Variants in MOB3B observed in about 807,000 individuals in gnomAD.
The protein encoded by MOB3B is MOB kinase activator 3B.
In MOB3B, 7 loss-of-function variants were observed where a neutral mutation model predicts 18.7. The ratio of observed to expected loss-of-function variants is 0.37; its 90% CI spans 0.21 to 0.70. The LOEUF is 0.70. Ranked by LOEUF, MOB3B falls within the 30% of genes least tolerant of loss-of-function variation. The pLI is 0.52. For missense variants in MOB3B, 253 were observed against 281.3 expected (o/e 0.90, Z 0.72); for synonymous variants, 111 against 99.9 (o/e 1.11, Z -0.66).
At chr9:27,491,800 A>G (rs2477526) in intron 1 of MOB3B, among the ~76,000 whole-genome samples, 2 of 152,086 alleles carry the variant, frequency 1.3e-5, no homozygotes, top group African/African-American at 4.8e-5. Context: ...GTGAACCAGG[A>G]AGGCGGAGCT....
At chr9:27,425,851 A>G (rs568440637) in intron 2 of MOB3B, among the ~76,000 whole-genome samples, 44 of 152,206 alleles carry the variant, frequency 2.9e-4, no homozygotes, top group Non-Finnish European at 4.4e-4. Flanking sequence ...CTTACATTCT[A>G]CCATCTTTTC....
intron 2 of MOB3B, among the ~76,000 whole-genome samples, chr9:27,423,869 T>C (rs1822291761): frequency 1.3e-5 from 2 of 152,242 alleles, no homozygotes; most frequent in South Asian, 4.1e-4. Context: ...CTTTAACATA[T>C]ATTAACTCAT....
chr9:27,517,192 TG>T (rs1461478146), intron 1 of MOB3B, among the ~76,000 whole-genome samples: 2 of 152,194 alleles, frequency 1.3e-5, no homozygotes, highest in Admixed American at 6.5e-5. Flanking sequence ...AGATTAAGAC[TG>T]GGTATCACTG....
chr9:27,336,344 C>G (rs1430872992), intron 3 of MOB3B, among the ~76,000 whole-genome samples: 1 of 152,102 alleles, frequency 6.6e-6, no homozygotes, highest in Non-Finnish European at 1.5e-5. Flanking sequence ...GGGGGAAGAG[C>G]TACCACAGCA....
intron 2 of MOB3B, among the ~76,000 whole-genome samples, chr9:27,453,181 G>T (rs1448335272): frequency 6.6e-6 from 1 of 151,962 alleles, no homozygotes; most frequent in Admixed American, 6.6e-5. Context: ...AAAAAAAAAG[G>T]TACCAGTGTC....
intron 1 of MOB3B, among the ~76,000 whole-genome samples, chr9:27,509,032 G>A (rs1820097955): frequency 6.6e-6 from 1 of 152,184 alleles, no homozygotes; most frequent in African/African-American, 2.4e-5. Flanking sequence ...TGGCATTATG[G>A]AAAGAATGAT....
At chr9:27,478,431 A>G (rs984990747) in intron 1 of MOB3B, among the ~76,000 whole-genome samples, 1 of 152,210 alleles carries the variant, frequency 6.6e-6, no homozygotes, top group African/African-American at 2.4e-5. Context: ...AATAAAAACC[A>G]TAATAAAAGA....
At chr9:27,467,221 A>G (rs181202528) in intron 1 of MOB3B, among the ~76,000 whole-genome samples, 2 of 152,356 alleles carry the variant, frequency 1.3e-5, no homozygotes, top group African/African-American at 2.4e-5. Context: ...AGAGCCAGAA[A>G]GATGCAGGTC....
At chr9:27,357,505 C>A (rs1320165478) in intron 3 of MOB3B, among the ~76,000 whole-genome samples, 1 of 151,868 alleles carries the variant, frequency 6.6e-6, no homozygotes, top group Non-Finnish European at 1.5e-5. Flanking sequence ...CTAGGAATAA[C>A]CCCTAGGCTC....
chr9:27,381,835 G>A (rs886465310), intron 2 of MOB3B, among the ~76,000 whole-genome samples: 5 of 152,116 alleles, frequency 3.3e-5, no homozygotes, highest in Non-Finnish European at 7.4e-5. Flanking sequence ...ATGTAGAGAT[G>A]ACGTCTCGCT....
intron 1 of MOB3B, among the ~76,000 whole-genome samples, chr9:27,495,465 A>G (rs1474970849): frequency 1.3e-5 from 2 of 152,186 alleles, no homozygotes; most frequent in Non-Finnish European, 2.9e-5. Context: ...GGACATTTCC[A>G]CCATAGCTCG....
chr9:27,410,663 G>A lies in MOB3B; in HGVS notation c.418+44470C>T, dbSNP rs1195581670. Among the ~76,000 whole-genome samples, 3 of 152,232 alleles carry A rather than the reference G, an allele frequency of 2.0e-5. No homozygotes were observed. The East Asian group carries it at 5.8e-4, about 29-fold the overall frequency. On this transcript the variant is annotated intron_variant, in intron 2 of 3. Coordinates refer to ENST00000262244, the MANE Select transcript of MOB3B (RefSeq NM_024761.5). ...TCCAACAACACTTGCTAATGAAAAGGGGCCTGCTTGGTGGTCTTCAGGCTG... is the reference window on the plus strand; with the variant it reads ...TCCAACAACACTTGCTAATGAAAAGAGGCCTGCTTGGTGGTCTTCAGGCTG...
intron 2 of MOB3B, among the ~76,000 whole-genome samples, chr9:27,391,149 C>G (rs1803859350): frequency 6.6e-6 from 1 of 152,204 alleles, no homozygotes; most frequent in Non-Finnish European, 1.5e-5. Context: ...CACACCTACT[C>G]TTTTCTGAAA....
rs1219285450 is a variant in MOB3B at position 27,330,540 on chromosome 9, A to AC, written c.*46dup. The AC allele has an allele frequency of 1.2e-6, 2 of 1,613,398 alleles. No individual in the cohort carries two copies. Among genetic ancestry groups the AC allele is most frequent in the Non-Finnish European group, 1.7e-6 (2 of 1,179,664 alleles). ...GGTCCACCTCCTGCCCGCTCAGGGC[A>AC]CCAGGAGGAAACAGCTTTCCTTTCT... On this transcript the variant is annotated 3_prime_UTR_variant, in exon 4 of 4. Coordinates refer to ENST00000262244, the MANE Select transcript of MOB3B (RefSeq NM_024761.5).
At chr9:27,371,889 G>T (rs1821421560) in intron 2 of MOB3B, among the ~76,000 whole-genome samples, 1 of 151,974 alleles carries the variant, frequency 6.6e-6, no homozygotes, top group African/African-American at 2.4e-5. Flanking sequence ...TTAATTCAAG[G>T]ACACTAAAAA....
At chr9:27,450,111 C>T (rs1050455259) in intron 2 of MOB3B, among the ~76,000 whole-genome samples, 13 of 152,066 alleles carry the variant, frequency 8.5e-5, no homozygotes, top group African/African-American at 1.9e-4. Context: ...CTTGCCACAG[C>T]ATGTGAGGGA....
Position 27,329,153 on chromosome 9 carries a change from A to G in MOB3B, c.*1434T>C, listed in dbSNP as rs923986023. 1.3e-5 allele frequency: 2 copies of G among 152,204 alleles called. No individual in the cohort carries two copies. The highest frequency in any genetic ancestry group is 2.9e-5 in the Non-Finnish European group (2 of 68,026). The allele number at this position is 152,204 out of a possible 1,614,324, so 9.4% of individuals were successfully genotyped here. Reference sequence around the variant, plus strand: ...AGAGTCATTTAGTTATTCTTTAATCATTATTACTTTAAAATACACTAATAC... The same window carrying G: ...AGAGTCATTTAGTTATTCTTTAATCGTTATTACTTTAAAATACACTAATAC... On this transcript the variant is annotated 3_prime_UTR_variant, in exon 4 of 4. Transcript: ENST00000262244.
intron 3 of MOB3B, among the ~76,000 whole-genome samples, chr9:27,351,858 GC>G (rs1165796352): frequency 1.3e-5 from 2 of 152,168 alleles, no homozygotes; most frequent in Non-Finnish European, 2.9e-5. Flanking sequence ...TTGTGGCTGG[GC>G]CTTTATGAGA....
intron 2 of MOB3B, among the ~76,000 whole-genome samples, chr9:27,371,161 G>A (rs1821410287): frequency 6.6e-6 from 1 of 152,182 alleles, no homozygotes; most frequent in Non-Finnish European, 1.5e-5. Context: ...AGATTTGGTT[G>A]GCAAATCATG....
Sources: gnomAD v4.1 joint callset for allele counts (sites outside exome capture counted in the v4.1 genomes callset) on GRCh38, gnomAD v4.1.1 for gene constraint, MANE v1.5 for transcripts, NCBI Gene and HGNC (gene_info 2026-07-23, HGNC 2026-07-21) for gene names.